The following DAPK1 variants were observed in gnomAD, a reference collection of about 807,000 sequenced individuals.
DAPK1 encodes death-associated protein kinase 1.
Under a neutral mutation model 144.9 loss-of-function variants are expected in DAPK1, and 56 were observed. That is an observed-to-expected ratio of 0.39 (90% CI 0.31 to 0.48). The LOEUF is 0.48. Ranked by LOEUF, DAPK1 falls within the 20% of genes least tolerant of loss-of-function variation. The pLI is 0.95. For missense variants in DAPK1, 1,454 were observed against 1,875.4 expected (o/e 0.78, Z 4.15); for synonymous variants, 690 against 749.0 (o/e 0.92, Z 1.29).
chr9:87,688,913 C>A (rs1276548411), intron 21 of DAPK1, among the ~76,000 whole-genome samples: 1 of 152,076 alleles, frequency 6.6e-6, no homozygotes, highest in African/African-American at 2.4e-5. Context: ...TTGACAATTT[C>A]TTTTACTGTT....
At chr9:87,698,834 T>G in intron 23 of DAPK1, 40 bp downstream of exon 23, 1 of 1,358,586 alleles carries the variant, frequency 7.4e-7, no homozygotes, top group Non-Finnish European at 1.1e-6. Context: ...ACGGGTAGCC[T>G]CCTCTCCCTG....
At chr9:87,498,877 C>T in intron 1 of DAPK1, 93 bp from the exon 2 acceptor site, 1 of 525,806 alleles carries the variant, frequency 1.9e-6, no homozygotes, top group East Asian at 2.8e-5. Flanking sequence ...GAGACCCGGT[C>T]TTCAGCGAGC....
chr9:87,545,244 G>A (rs867307217), intron 2 of DAPK1, among the ~76,000 whole-genome samples: 3 of 152,192 alleles, frequency 2.0e-5, no homozygotes, highest in Admixed American at 6.5e-5. Flanking sequence ...CCAGGCTCCC[G>A]GGTGCAGGGT....
intron 3 of DAPK1, among the ~76,000 whole-genome samples, chr9:87,611,340 G>A (rs1357613562): frequency 2.7e-5 from 4 of 149,868 alleles, no homozygotes; most frequent in African/African-American, 7.6e-5. Context: ...TCCTAGAGAC[G>A]GGGTGTCCCT....
chr9:87,511,153 G>T (rs935390039), intron 2 of DAPK1, among the ~76,000 whole-genome samples: 7 of 152,072 alleles, frequency 4.6e-5, no homozygotes, highest in African/African-American at 1.7e-4. Context: ...TCTCTCCTTT[G>T]GCTCAGCTTG....
At chr9:87,574,944 G>A (rs60469506) in intron 2 of DAPK1, among the ~76,000 whole-genome samples, 2,800 of 151,470 alleles carry the variant, frequency 0.018, 66 homozygotes, top group African/African-American at 0.061. Flanking sequence ...AAGGCCGGGC[G>A]TGGTGGCTAA....
At chr9:87,642,146 T>C in intron 10 of DAPK1, 88 bp downstream of exon 10, 1 of 969,816 alleles carries the variant, frequency 1.0e-6, no homozygotes. Context: ...CTGATACTGG[T>C]AATATGGAAG....
intron 19 of DAPK1, 106 bp from the exon 20 acceptor site, chr9:87,681,298 A>G (rs911973276): frequency 5.6e-6 from 4 of 714,834 alleles, no homozygotes; most frequent in Non-Finnish European, 9.8e-6. Context: ...AAAAAGAAAC[A>G]TATCTTCAGC....
chr9:87,505,636 T>A (rs1405225117), intron 2 of DAPK1, among the ~76,000 whole-genome samples: 6 of 151,026 alleles, frequency 4.0e-5, no homozygotes, highest in Admixed American at 6.6e-5. Context: ...ACCTCGTGAG[T>A]CACCCTCCTC....
At chr9:87,611,869 T>C (rs1406516217) in intron 3 of DAPK1, among the ~76,000 whole-genome samples, 2 of 152,196 alleles carry the variant, frequency 1.3e-5, no homozygotes, top group Non-Finnish European at 2.9e-5. Context: ...GAGGCTGTGC[T>C]CCCCAAAAAG....
chr9:87,657,996 G>C, intron 17 of DAPK1, 33 bp from the exon 18 acceptor site: 1 of 833,768 alleles, frequency 1.2e-6, no homozygotes, highest in East Asian at 2.5e-5. Flanking sequence ...TGCGTGAGAA[G>C]AACGACCTTT....
intron 2 of DAPK1, among the ~76,000 whole-genome samples, chr9:87,574,596 G>A (rs919392936): frequency 1.3e-5 from 2 of 152,162 alleles, no homozygotes; most frequent in African/African-American, 4.8e-5. Flanking sequence ...CAAATACAAG[G>A]AGAAAACTGC....
intron 2 of DAPK1, among the ~76,000 whole-genome samples, chr9:87,524,653 A>G (rs1015572610): frequency 2.0e-5 from 3 of 152,226 alleles, no homozygotes; most frequent in African/African-American, 4.8e-5. Context: ...ATGCCCATCA[A>G]TCAAAAAGTG....
chr9:87,669,789 T>C (rs1256041394), intron 19 of DAPK1, among the ~76,000 whole-genome samples: 1 of 151,906 alleles, frequency 6.6e-6, no homozygotes, highest in Non-Finnish European at 1.5e-5. Context: ...ATTGGGATAA[T>C]TTCTTTCCTC....
chr9:87,645,935 C>A lies in DAPK1; in HGVS notation c.1052C>A (p.Ala351Asp). Residue 351 changes from alanine to aspartate, a missense_variant, in exon 12 of 26, where the codon GCC (alanine) becomes GAC (aspartate). Ala to Asp is a moderately radical substitution (Grantham distance 126). Transcript: ENST00000408954. The stretch of plus-strand genomic sequence containing the variant: ...TTTGTGATGAAAGCCATCATCCATG[C>A]CATCAACGATGACAATGTCCCAGGC... ...DSFVMKAIIH[A>D]INDDNVPGLQ... 6.2e-7 allele frequency: 1 copy of A among 1,613,674 alleles called. No individual in the cohort carries two copies. Among genetic ancestry groups the A allele is most frequent in the Non-Finnish European group, 8.5e-7 (1 of 1,179,616 alleles).
chr9:87,541,226 G>A (rs1406736857), intron 2 of DAPK1, among the ~76,000 whole-genome samples: 1 of 152,110 alleles, frequency 6.6e-6, no homozygotes, highest in Non-Finnish European at 1.5e-5. Flanking sequence ...CAAACCGACT[G>A]TAAGTGGTTC....
intron 2 of DAPK1, among the ~76,000 whole-genome samples, chr9:87,521,886 G>A (rs1413586610): frequency 1.3e-5 from 2 of 152,210 alleles, no homozygotes; most frequent in African/African-American, 4.8e-5. Flanking sequence ...ATTCATACGT[G>A]GGTTAGTGGA....
At chr9:87,605,288 C>A in intron 3 of DAPK1, 113 bp downstream of exon 3, 1 of 845,888 alleles carries the variant, frequency 1.2e-6, no homozygotes, top group Non-Finnish European at 1.9e-6. Context: ...GGAATTGGTT[C>A]TGCTGTATGA....
At chr9:87,632,969 C>T (rs879320989) in intron 3 of DAPK1, 8 of 963,386 alleles carry the variant, frequency 8.3e-6, no homozygotes, top group African/African-American at 1.9e-5. Context: ...AGGATGAGTA[C>T]ATATGTAGAA....
Sources: gnomAD v4.1 joint callset for allele counts (sites outside exome capture counted in the v4.1 genomes callset) on GRCh38, gnomAD v4.1.1 for gene constraint, MANE v1.5 for transcripts, NCBI Gene and HGNC (gene_info 2026-07-23, HGNC 2026-07-21) for gene names.